DACH1: variants seen among roughly 807,000 people sequenced by gnomAD.
The protein encoded by DACH1 is dachshund homolog 1.
In DACH1, 12 loss-of-function variants were observed where a neutral mutation model predicts 54.2. That is an observed-to-expected ratio of 0.22 (90% CI 0.14 to 0.36). The LOEUF is 0.36. Ranked by LOEUF, DACH1 falls within the 10% of genes least tolerant of loss-of-function variation. The pLI, the probability that DACH1 is intolerant of heterozygous loss-of-function variation, is 1.00. For synonymous variants in DACH1, 386 were observed against 366.2 expected, an observed-to-expected ratio of 1.05 and a Z score of -0.62; for missense variants, 805 against 929.8, an observed-to-expected ratio of 0.87 and a Z score of 1.75.
At chr13:71,843,023 G>A (rs986803590) in intron 1 of DACH1, among the ~76,000 whole-genome samples, 10 of 152,074 alleles carry the variant, frequency 6.6e-5, no homozygotes, top group African/African-American at 2.4e-4. Context: ...ACTGCACTAT[G>A]AAAAATGTGT....
intron 1 of DACH1, among the ~76,000 whole-genome samples, chr13:71,838,964 G>C (rs564178335): frequency 4.6e-5 from 7 of 152,276 alleles, no homozygotes; most frequent in African/African-American, 1.4e-4. Flanking sequence ...TTCCGGTACA[G>C]AATGTTCCCA....
At chr13:71,838,640 T>C (rs922470307) in intron 1 of DACH1, among the ~76,000 whole-genome samples, 1 of 152,206 alleles carries the variant, frequency 6.6e-6, no homozygotes, top group African/African-American at 2.4e-5. Flanking sequence ...AAAGCAATTT[T>C]GAAGCAATTT....
chr13:71,640,075 A>C (rs1231683478), intron 2 of DACH1, among the ~76,000 whole-genome samples: 1 of 152,042 alleles, frequency 6.6e-6, no homozygotes, highest in African/African-American at 2.4e-5. Context: ...ACCATTAAAT[A>C]ATCACAGAGT....
intron 1 of DACH1, among the ~76,000 whole-genome samples, chr13:71,693,469 A>ATTTTTTTTTTTTTTT (rs748598587): frequency 8.4e-6 from 1 of 119,300 alleles, no homozygotes; most frequent in African/African-American, 3.5e-5. Flanking sequence ...CGCCCGGCAA[A>ATTTTTTTTTTTTTTT]TTTTTTTTTT....
chr13:71,779,283 G>C (rs528251245), intron 1 of DACH1, among the ~76,000 whole-genome samples: 1 of 118,692 alleles, frequency 8.4e-6, no homozygotes, highest in Non-Finnish European at 1.6e-5. Flanking sequence ...ACGTATATAC[G>C]TATATATACA....
intron 1 of DACH1, among the ~76,000 whole-genome samples, chr13:71,715,464 A>G (rs1227612403): frequency 6.6e-6 from 1 of 152,110 alleles, no homozygotes; most frequent in Non-Finnish European, 1.5e-5. Flanking sequence ...TGTTCAGGGT[A>G]CATTCTTCCA....
At chr13:71,602,360 A>G (rs1412612531) in intron 3 of DACH1, among the ~76,000 whole-genome samples, 1 of 152,032 alleles carries the variant, frequency 6.6e-6, no homozygotes, top group African/African-American at 2.4e-5. Context: ...TTCTTTAATT[A>G]CAATAAACCA....
intron 3 of DACH1, among the ~76,000 whole-genome samples, chr13:71,582,956 C>G (rs1389151383): frequency 6.6e-6 from 1 of 151,910 alleles, no homozygotes; most frequent in African/African-American, 2.4e-5. Context: ...ATTTTTATCC[C>G]AAGAATAAAT....
At chr13:71,855,273 T>A (rs1873929891) in intron 1 of DACH1, among the ~76,000 whole-genome samples, 1 of 152,050 alleles carries the variant, frequency 6.6e-6, no homozygotes, top group Non-Finnish European at 1.5e-5. Context: ...CTCACCTCAA[T>A]TTCAAAACCC....
intron 3 of DACH1, among the ~76,000 whole-genome samples, chr13:71,576,964 C>T (rs186052194): frequency 1.9e-4 from 29 of 152,260 alleles, no homozygotes; most frequent in Admixed American, 1.4e-3. Context: ...CTCCTTTAGG[C>T]CATTGACATC....
At chr13:71,645,382 G>C (rs745356573) in intron 2 of DACH1, among the ~76,000 whole-genome samples, 1 of 152,146 alleles carries the variant, frequency 6.6e-6, no homozygotes, top group Non-Finnish European at 1.5e-5. Flanking sequence ...GTGCGTAAAC[G>C]ATTTAGTAAT....
chr13:71,771,454 C>A (rs1885851287), intron 1 of DACH1, among the ~76,000 whole-genome samples: 1 of 151,410 alleles, frequency 6.6e-6, no homozygotes, highest in African/African-American at 2.4e-5. Context: ...TATTTAAATG[C>A]AAATCAGTAT....
At chr13:71,693,296 CTTTTTTTTTTTT>C (rs869289138) in intron 1 of DACH1, among the ~76,000 whole-genome samples, 3 of 90,962 alleles carry the variant, frequency 3.3e-5, no homozygotes, top group East Asian at 3.7e-4. Flanking sequence ...ATTTGTTTTG[CTTTTTTTTTTTT>C]TTTTTTTTTT....
chr13:71,703,120 G>C (rs1448346487), intron 1 of DACH1, among the ~76,000 whole-genome samples: 1 of 152,192 alleles, frequency 6.6e-6, no homozygotes, highest in Non-Finnish European at 1.5e-5. Flanking sequence ...TCTTAGCAGA[G>C]TCAAAAGATA....
At chr13:71,489,238 A>G in intron 6 of DACH1, 90 bp from the exon 7 acceptor site, 1 of 1,399,060 alleles carries the variant, frequency 7.1e-7, no homozygotes, top group Non-Finnish European at 9.7e-7. Flanking sequence ...GGTTTCCAGA[A>G]CATTTATTGC....
rs531472395 is a variant in DACH1, at chr13:71,767,581, GCCC to G, written c.849-85674_849-85672del. ...ACCATAATGTTATAGTTCAAACAAT[GCCC>G]CCCCAAGACTCCAAATTTATTATAG... On this transcript the variant is annotated intron_variant, in intron 1 of 10. Transcript: ENST00000613252. Among the ~76,000 whole-genome samples the G allele has an allele frequency of 1.0e-4, 15 of 150,244 alleles. No homozygotes were observed. In the South Asian group the frequency reaches 3.4e-3, roughly 34 times the overall value.
At chr13:71,831,725 T>C (rs1326573645) in intron 1 of DACH1, among the ~76,000 whole-genome samples, 3 of 152,026 alleles carry the variant, frequency 2.0e-5, no homozygotes, top group Non-Finnish European at 2.9e-5. Flanking sequence ...AGGGATAACA[T>C]ACAGCTATAA....
intron 4 of DACH1, among the ~76,000 whole-genome samples, chr13:71,568,367 G>A (rs1182473638): frequency 6.6e-6 from 1 of 151,998 alleles, no homozygotes; most frequent in African/African-American, 2.4e-5. Flanking sequence ...GATGTCTAGT[G>A]TCTCTTCATT....
intron 3 of DACH1, among the ~76,000 whole-genome samples, chr13:71,577,219 T>C (rs1885584555): frequency 6.6e-6 from 1 of 152,136 alleles, no homozygotes; most frequent in Non-Finnish European, 1.5e-5. Context: ...CTCAGTTCTT[T>C]ACCACCACCT....
Sources: gnomAD v4.1 joint callset for allele counts (sites outside exome capture counted in the v4.1 genomes callset) on GRCh38, gnomAD v4.1.1 for gene constraint, MANE v1.5 for transcripts, NCBI Gene and HGNC (gene_info 2026-07-23, HGNC 2026-07-21) for gene names.